The following LTAP1 variants were observed in gnomAD, a reference collection of about 807,000 sequenced individuals.
The protein encoded by LTAP1 is HCV NS5A-transactivated protein 4.
At chr1:154,212,211 T>C in the LTAP1 span, 35 of 1,201,026 alleles carry the variant, frequency 2.9e-5, no homozygotes, top group Non-Finnish European at 4.0e-5. Context: ...CTGACAACTC[T>C]TATGGTATCA....
the LTAP1 span, chr1:154,207,741 A>G: frequency 9.4e-6 from 10 of 1,058,298 alleles, no homozygotes; most frequent in South Asian, 3.1e-5. Context: ...AATAGTCACA[A>G]ATAGTTATTT....
the LTAP1 span, chr1:154,220,416 T>G: frequency 6.2e-7 from 1 of 1,614,166 alleles, no homozygotes; most frequent in Non-Finnish European, 8.5e-7. Context: ...ATGGCCTCCC[T>G]ACCTCGCGCA....
chr1:154,208,748 A>C, the LTAP1 span, among the ~76,000 whole-genome samples: 1 of 152,040 alleles, frequency 6.6e-6, no homozygotes, highest in Admixed American at 6.6e-5. Flanking sequence ...CTACAAATCA[A>C]ACATAATTTT....
At chr1:154,219,753 T>C in the LTAP1 span, 3 of 995,172 alleles carry the variant, frequency 3.0e-6, no homozygotes, top group African/African-American at 4.9e-5. Context: ...AGAATTAAAG[T>C]CATCACTAAA....
chr1:154,220,486 G>T, the LTAP1 span: 18 of 1,539,318 alleles, frequency 1.2e-5, no homozygotes, highest in Non-Finnish European at 1.4e-5. Flanking sequence ...CCGAAGCGAC[G>T]GCGCCTGGGT....
chr1:154,207,334 C>G, the LTAP1 span: 22 of 895,344 alleles, frequency 2.5e-5, no homozygotes, highest in Non-Finnish European at 3.7e-5. Context: ...ACAACGGGAA[C>G]TTGGATGGAT....
the LTAP1 span, chr1:154,207,328 C>T: frequency 1.0e-4 from 85 of 836,200 alleles, no homozygotes; most frequent in African/African-American, 1.1e-3. Flanking sequence ...CTGGATACAA[C>T]GGGAACTTGG....
At chr1:154,209,707 C>T in the LTAP1 span, among the ~76,000 whole-genome samples, 1 of 151,980 alleles carries the variant, frequency 6.6e-6, no homozygotes, top group Non-Finnish European at 1.5e-5. Context: ...CTGCCCCAGC[C>T]TCCCACGTAG....
chr1:154,207,375 G>C, the LTAP1 span: 2 of 1,414,108 alleles, frequency 1.4e-6, no homozygotes, highest in Non-Finnish European at 2.0e-6. Flanking sequence ...CAGATGTTCC[G>C]AGGGCGGCCC....
the LTAP1 span, chr1:154,214,329 G>A: frequency 4.3e-6 from 3 of 693,306 alleles, no homozygotes; most frequent in Admixed American, 4.8e-5. Flanking sequence ...AATGGGCTCT[G>A]CATCTAACAT....
At chr1:154,212,518 T>C in the LTAP1 span, 6 of 1,614,182 alleles carry the variant, frequency 3.7e-6, no homozygotes, top group Non-Finnish European at 3.4e-6. Flanking sequence ...GTGCTTTGCG[T>C]ACACCCTTGA....
chr1:154,214,555 T>A, the LTAP1 span: 3 of 1,611,346 alleles, frequency 1.9e-6, no homozygotes, highest in Non-Finnish European at 2.5e-6. Flanking sequence ...GAGTCGAATA[T>A]CAATCTCCTC....
At chr1:154,219,856 C>G in the LTAP1 span, 6 of 1,611,256 alleles carry the variant, frequency 3.7e-6, no homozygotes, top group South Asian at 3.3e-5. Context: ...TTGTGTCCCA[C>G]AGGGACATGA....
chr1:154,220,326 G>A, the LTAP1 span: 11 of 1,613,912 alleles, frequency 6.8e-6, no homozygotes, highest in South Asian at 1.1e-5. Flanking sequence ...GGAATGGGGT[G>A]GGGTAATCTC....
the LTAP1 span, among the ~76,000 whole-genome samples, chr1:154,209,078 A>G: frequency 1.3e-5 from 2 of 152,208 alleles, no homozygotes; most frequent in African/African-American, 4.8e-5. Flanking sequence ...AGATTGTGGT[A>G]AAATACATGT....
the LTAP1 span, among the ~76,000 whole-genome samples, chr1:154,210,744 T>C: frequency 6.6e-6 from 1 of 152,130 alleles, no homozygotes; most frequent in African/African-American, 2.4e-5. Context: ...CTCCCAGTGT[T>C]GGGATTACAG....
chr1:154,212,735 C>A, the LTAP1 span: 1 of 1,178,464 alleles, frequency 8.5e-7, no homozygotes, highest in Non-Finnish European at 1.2e-6. Flanking sequence ...GATCTTGGCT[C>A]ACTGCAACCT....
the LTAP1 span, among the ~76,000 whole-genome samples, chr1:154,210,798 C>T: frequency 6.6e-6 from 1 of 151,310 alleles, no homozygotes; most frequent in African/African-American, 2.4e-5. Context: ...TCTAGATTGG[C>T]TTTCCTTTCT....
chr1:154,207,549 T>C, the LTAP1 span: 8 of 1,613,986 alleles, frequency 5.0e-6, no homozygotes, highest in Non-Finnish European at 6.8e-6. Context: ...AGGGGAGGTA[T>C]GTCACCTGGA....
Sources: gnomAD v4.1 joint callset for allele counts (sites outside exome capture counted in the v4.1 genomes callset) on GRCh38, gnomAD v4.1.1 for gene constraint, MANE v1.5 for transcripts, NCBI Gene and HGNC (gene_info 2026-07-23, HGNC 2026-07-21) for gene names.